ADAMTS12: variants seen among roughly 807,000 people sequenced by gnomAD.
ADAMTS12 encodes the protein A disintegrin and metalloproteinase with thrombospondin motifs 12.
ADAMTS12 carries 118 observed loss-of-function variants against 167.8 expected under a neutral mutation model. That is an observed-to-expected ratio of 0.70 (90% CI 0.61 to 0.82). The LOEUF (loss-of-function observed/expected upper bound fraction) is 0.82, where lower values mean the gene tolerates loss of function less well. Ranked by LOEUF, ADAMTS12 falls within the 40% of genes least tolerant of loss-of-function variation. The pLI, the probability that ADAMTS12 is intolerant of heterozygous loss-of-function variation, is 0.00. For synonymous variants in ADAMTS12, 704 were observed against 716.9 expected (o/e 0.98, Z 0.29); for missense variants, 1,916 against 1,998.8 (o/e 0.96, Z 0.79).
intron 2 of ADAMTS12, among the ~76,000 whole-genome samples, chr5:33,762,365 G>T (rs1745389064): frequency 6.7e-6 from 1 of 148,854 alleles, no homozygotes; most frequent in Non-Finnish European, 1.5e-5. Flanking sequence ...AAAGTTAGCG[G>T]GGCGTGGTGG....
intron 2 of ADAMTS12, among the ~76,000 whole-genome samples, chr5:33,770,689 C>T (rs1013178279): frequency 3.3e-5 from 5 of 151,992 alleles, no homozygotes; most frequent in Non-Finnish European, 7.4e-5. Context: ...GGTACATGTA[C>T]ACTTCTGATG....
intron 11 of ADAMTS12, among the ~76,000 whole-genome samples, chr5:33,638,308 C>T (rs1425361528): frequency 6.6e-6 from 1 of 152,082 alleles, no homozygotes; most frequent in Admixed American, 6.5e-5. Flanking sequence ...TTCAGATGAC[C>T]TTAATTATTT....
chr5:33,684,480 G>A (rs1413553508), intron 3 of ADAMTS12, among the ~76,000 whole-genome samples: 2 of 152,170 alleles, frequency 1.3e-5, no homozygotes, highest in East Asian at 3.8e-4. Context: ...GGAAATTGAT[G>A]CTCAAAGTGG....
chr5:33,672,428 A>G (rs1468532975), intron 5 of ADAMTS12, among the ~76,000 whole-genome samples: 2 of 152,294 alleles, frequency 1.3e-5, no homozygotes, highest in South Asian at 2.1e-4. Flanking sequence ...GCTAAAGTTA[A>G]TTAAGATCTC....
intron 20 of ADAMTS12, 36 bp downstream of exon 20, chr5:33,560,991 T>C: frequency 6.2e-7 from 1 of 1,608,630 alleles, no homozygotes; most frequent in Non-Finnish European, 8.5e-7. Context: ...CCCCACCTTC[T>C]CTACCTCCAA....
intron 2 of ADAMTS12, among the ~76,000 whole-genome samples, chr5:33,858,669 AAG>A (rs566726272): frequency 0.042 from 6,076 of 145,172 alleles, 473 homozygotes; most frequent in African/African-American, 0.15. Context: ...AAAAAAAAAA[AAG>A]AAAAGAAAAA....
In ADAMTS12 at chr5:33,643,463, C is replaced by T; in HGVS notation, c.1487G>A (p.Cys496Tyr). ...CTTCACGGAGCACCACAGTGTCTGG[C>T]AGACGTTCTAGAAAACAAATTGCAC... is the stretch of plus-strand genomic sequence containing the variant. ...ATFCQEVENV[C>Y]QTLWCSVKGF... Residue 496 changes from cysteine (C) to tyrosine (Y), a missense_variant, in exon 10 of 24, where the codon TGC (cysteine) becomes TAC (tyrosine). Transcript: ENST00000504830. 3 of 1,614,080 alleles carry T rather than the reference C, an allele frequency of 1.9e-6. No homozygotes were observed. The highest frequency in any genetic ancestry group is 2.5e-6 in the Non-Finnish European group (3 of 1,179,938).
intron 21 of ADAMTS12, among the ~76,000 whole-genome samples, chr5:33,546,897 A>C (rs1745009614): frequency 6.6e-6 from 1 of 152,230 alleles, no homozygotes; most frequent in East Asian, 1.9e-4. Flanking sequence ...TAGTTTTAGC[A>C]TGGTTACAAC....
intron 19 of ADAMTS12, among the ~76,000 whole-genome samples, chr5:33,566,695 A>G (rs567944751): frequency 9.1e-4 from 139 of 152,200 alleles, no homozygotes; most frequent in Non-Finnish European, 1.7e-3. Flanking sequence ...ACCTACAGTC[A>G]GTGGCAGAGA....
Position 33,683,890 on chromosome 5 carries a change from A to G in ADAMTS12, c.800T>C (p.Val267Ala). ...CATGATGGTGAGGATGTAGGACTCC[A>G]CATTCTCACTCCCATGGTATTCAAT... is the stretch of plus-strand genomic sequence containing the variant. ...KMIEYHGSEN[V>A]ESYILTIMNM... Residue 267 changes from valine (V) to alanine (A), a missense_variant, in exon 4 of 24, where the codon GTG becomes GCG. Val to Ala is a moderately conservative substitution (Grantham distance 64). Coordinates refer to ENST00000504830, the MANE Select transcript of ADAMTS12 (RefSeq NM_030955.4). The G allele has an allele frequency of 2.5e-6, 4 of 1,583,662 alleles. No homozygotes were observed. The highest frequency in any genetic ancestry group is 3.4e-6 in the Non-Finnish European group (4 of 1,164,554).
At chr5:33,568,244 C>T (rs1579677362) in intron 19 of ADAMTS12, among the ~76,000 whole-genome samples, 1 of 152,152 alleles carries the variant, frequency 6.6e-6, no homozygotes, top group East Asian at 1.9e-4. Flanking sequence ...GAATTCTTTA[C>T]CTCTAAATGG....
chr5:33,576,849 T>C lies in ADAMTS12; in HGVS notation c.3177A>G (p.Glu1059=). The part of the protein sequence containing the change: ...SSPSPTTASK[E]GDLGGKQWQD... ...GCCACTGTTTCCCACCCAGGTCTCC[T>C]TCTTTGGAGGCTGTGGTAGGACTAG... The change falls in exon 19 of 24, where the codon GAA becomes GAG. Residue 1059 remains glutamate (E), a synonymous_variant. Coordinates refer to ENST00000504830, the MANE Select transcript of ADAMTS12 (RefSeq NM_030955.4). 1 of 1,614,144 alleles carries C rather than the reference T, an allele frequency of 6.2e-7. No homozygotes were observed. Among genetic ancestry groups the C allele is most frequent in the Non-Finnish European group, 8.5e-7 (1 of 1,180,012 alleles).
intron 22 of ADAMTS12, among the ~76,000 whole-genome samples, chr5:33,536,468 C>T (rs115659263): frequency 0.023 from 3,480 of 152,280 alleles, 136 homozygotes; most frequent in African/African-American, 0.081. Context: ...TCTGCTGCCC[C>T]CATCTTTGTC....
chr5:33,818,848 A>C (rs1747764833), intron 2 of ADAMTS12, among the ~76,000 whole-genome samples: 1 of 152,136 alleles, frequency 6.6e-6, no homozygotes, highest in Non-Finnish European at 1.5e-5. Context: ...GATGTTCAGT[A>C]CTTTTTCATA....
At chr5:33,858,998 A>G (rs1460506723) in intron 2 of ADAMTS12, among the ~76,000 whole-genome samples, 1 of 152,154 alleles carries the variant, frequency 6.6e-6, no homozygotes, top group Non-Finnish European at 1.5e-5. Flanking sequence ...CACTTTTCCC[A>G]TGGTCTTCAC....
At chr5:33,828,972 G>A (rs886427161) in intron 2 of ADAMTS12, among the ~76,000 whole-genome samples, 3 of 152,162 alleles carry the variant, frequency 2.0e-5, no homozygotes, top group Admixed American at 2.0e-4. Flanking sequence ...GATGGGGAGT[G>A]GGAGGGAAAG....
chr5:33,539,108 A>C (rs967035657), intron 22 of ADAMTS12, among the ~76,000 whole-genome samples: 24 of 151,822 alleles, frequency 1.6e-4, no homozygotes, highest in African/African-American at 5.1e-4. Context: ...TGCCTGACTA[A>C]TTTTTTTATT....
intron 2 of ADAMTS12, among the ~76,000 whole-genome samples, chr5:33,810,457 T>C (rs1747415029): frequency 6.6e-6 from 1 of 152,232 alleles, no homozygotes; most frequent in African/African-American, 2.4e-5. Flanking sequence ...TTTTGGCTTA[T>C]TACACCCCAT....
chr5:33,550,197 C>A (rs972243037), intron 20 of ADAMTS12, among the ~76,000 whole-genome samples: 1 of 152,242 alleles, frequency 6.6e-6, no homozygotes, highest in Non-Finnish European at 1.5e-5. Context: ...GGGTCACCTA[C>A]AACCAAGTTT....
Sources: allele counts gnomAD v4.1 joint callset (sites outside exome capture counted in the v4.1 genomes callset), GRCh38; gene constraint gnomAD v4.1.1; transcripts MANE v1.5; gene names NCBI Gene and HGNC (gene_info 2026-07-23, HGNC 2026-07-21).